Variants in SHPRH observed in about 807,000 individuals in gnomAD.
SHPRH encodes SNF2 histone linker PHD RING helicase.
A neutral mutation model predicts 202.5 loss-of-function variants in SHPRH; 106 were observed. The observed-to-expected ratio is 0.52, with a 90% CI of 0.45 to 0.62. The LOEUF (loss-of-function observed/expected upper bound fraction) is 0.62, where lower values mean the gene tolerates loss of function less well. Ranked by LOEUF, SHPRH falls within the 20% of genes least tolerant of loss-of-function variation. SHPRH has a pLI of 0.00. For synonymous variants in SHPRH, 729 were observed against 686.0 expected, an observed-to-expected ratio of 1.06 and a Z score of -0.98; for missense variants, 1,710 against 2,020.0, an observed-to-expected ratio of 0.85 and a Z score of 2.94.
chr6:145,944,003 C>T (rs1787088934), intron 8 of SHPRH, among the ~76,000 whole-genome samples: 1 of 152,042 alleles, frequency 6.6e-6, no homozygotes, highest in South Asian at 2.1e-4. Flanking sequence ...AAAAGGAAGG[C>T]TCTACAAGTG....
At position 145,868,122 on chromosome 6, in the gene SHPRH, C is replaced by A. The variant is rs544243970; in HGVS notation, c.222-3631G>T. Among the ~76,000 whole-genome samples the A allele has an allele frequency of 1.4e-4, 22 of 152,216 alleles. No individual in the cohort carries two copies. The South Asian group carries it at 2.1e-3, about 14-fold the overall frequency. ...CTCTTTCCTTAGCTTATAGATGGTG[C>A]CTTCTTCCTGTGTTCTGACATAGTT... is the stretch of plus-strand genomic sequence containing the variant. On this transcript the variant is annotated intron_variant, in intron 2 of 2. Transcript: ENST00000417762.
chr6:145,896,200 T>A (rs907224078), intron 25 of SHPRH, among the ~76,000 whole-genome samples: 1 of 152,218 alleles, frequency 6.6e-6, no homozygotes, highest in Admixed American at 6.5e-5. Flanking sequence ...TACACTTATT[T>A]TCTCTGGGTA....
chr6:145,869,908 C>T (rs1779978606), intron 2 of SHPRH, among the ~76,000 whole-genome samples: 2 of 150,134 alleles, frequency 1.3e-5, no homozygotes, highest in South Asian at 2.1e-4. Flanking sequence ...CTAGGGATTA[C>T]GCTGAGCCTA....
At chr6:145,863,113 G>A (rs1248789056), downstream of SHPRH, among the ~76,000 whole-genome samples, 1 of 152,194 alleles carries the variant, frequency 6.6e-6, no homozygotes, top group Non-Finnish European at 1.5e-5. Flanking sequence ...ATACAAAGGT[G>A]AATACAGGAA....
intron 25 of SHPRH, chr6:145,903,387 A>T (rs1303886838): frequency 6.6e-6 from 1 of 151,474 alleles, no homozygotes; most frequent in African/African-American, 2.4e-5. Flanking sequence ...TTCTACACAT[A>T]GTATGGCTAG....
At chr6:145,893,973 T>G (rs922231831) in intron 27 of SHPRH, among the ~76,000 whole-genome samples, 177 bp downstream of exon 27, 1 of 152,094 alleles carries the variant, frequency 6.6e-6, no homozygotes, top group South Asian at 2.1e-4. Flanking sequence ...TCTTGTTATA[T>G]ACTGAAAATA....
intron 25 of SHPRH, chr6:145,910,014 G>C (rs1783349846): frequency 6.5e-6 from 1 of 153,528 alleles, no homozygotes; most frequent in South Asian, 2.0e-4. Context: ...CTTTCTTGTA[G>C]CTGTCTTCAT....
chr6:145,919,450 A>C lies in SHPRH; in HGVS notation c.4050T>G (p.Ser1350=), dbSNP rs753134914. ...TAGCCATTGCAAGTTCATCAACAGC[A>C]GACACACGATTCCTCAGAGCCATCC... The part of the protein sequence containing the change: ...EYWMALRNRV[S]AVDELAMATE... Residue 1350 remains serine, a synonymous_variant, in exon 22 of 30, where the codon TCT becomes TCG. Coordinates refer to ENST00000275233, the MANE Select transcript of SHPRH (RefSeq NM_001042683.3). 1 of 1,613,208 alleles carries C rather than the reference A, an allele frequency of 6.2e-7. No individual in the cohort carries two copies. The highest frequency in any genetic ancestry group is 1.1e-5 in the South Asian group (1 of 91,044).
chr6:145,919,491 A>C lies in SHPRH; in HGVS notation c.4009T>G (p.Leu1337Val). The stretch of plus-strand genomic sequence containing the variant: ...AGAGCCATCCAATATTCATGAAGCA[A>C]CTGAAGGAATAGAAAAGACAAACAC... Reference protein sequence around the residue: ...LFEAWKKEYKLLHEYWMALRN... With the variant: ...LFEAWKKEYKVLHEYWMALRN... Residue 1337 changes from leucine to valine, a missense_variant and splice_region_variant, in exon 22 of 30, where the codon TTG (leucine) becomes GTG (valine). Coordinates refer to ENST00000275233, the MANE Select transcript of SHPRH (RefSeq NM_001042683.3). 6.2e-7 allele frequency: 1 copy of C among 1,612,350 alleles called. No individual in the cohort carries two copies. The highest frequency in any genetic ancestry group is 1.1e-5 in the South Asian group (1 of 90,948).
Position 145,903,274 on chromosome 6 carries a change from A to T in SHPRH, c.4515+7174T>A, listed in dbSNP as rs1428655878. Reference sequence around the variant, plus strand: ...TTTTTTTCACTCAGATGTTTATTTTAATTATATTTTAAAAGTGTGAGACAG... The same window carrying T: ...TTTTTTTCACTCAGATGTTTATTTTTATTATATTTTAAAAGTGTGAGACAG... On this transcript the variant is annotated intron_variant, in intron 25 of 29. Transcript: ENST00000275233. The T allele has an allele frequency of 1.8e-4, 28 of 151,964 alleles. No individual in the cohort carries two copies. The South Asian group carries it at 5.8e-3, about 32-fold the overall frequency. 9.4% of individuals were successfully genotyped at this position (151,964 alleles called of 1,614,324 possible).
In SHPRH at chr6:145,939,146, A is replaced by G. The variant is rs117901758; in HGVS notation, c.2569+1577T>C. 4.2e-3 allele frequency among the ~76,000 whole-genome samples: 636 copies of G among 152,308 alleles called. 18 individuals are homozygous for G. The East Asian group carries it at 0.071, about 17-fold the overall frequency. On this transcript the variant is annotated intron_variant, in intron 11 of 29. Coordinates refer to ENST00000275233, the MANE Select transcript of SHPRH (RefSeq NM_001042683.3). ...CAGAGTAAGTCATGAGCAGGCTAAC[A>G]TTCCTAGTGTGACAACTAGAAAAAA...
chr6:145,933,504 C>G (rs756903603), intron 13 of SHPRH, among the ~76,000 whole-genome samples: 19 of 152,134 alleles, frequency 1.2e-4, no homozygotes, highest in Non-Finnish European at 2.5e-4. Context: ...AGCACTGCAA[C>G]TTAATTAGAA....
At chr6:145,881,291 G>GA (rs1780556835), downstream of SHPRH, among the ~76,000 whole-genome samples, 1 of 152,178 alleles carries the variant, frequency 6.6e-6, no homozygotes, top group Non-Finnish European at 1.5e-5. Context: ...AATTTATAAT[G>GA]AAAAAGAGGT....
In SHPRH at chr6:145,943,073, G is replaced by C. The variant is rs73582139; in HGVS notation, c.2238+70C>G. 2,974 of 1,475,348 alleles carry C rather than the reference G, an allele frequency of 2.0e-3. 42 individuals carry two copies. In the African/African-American group the frequency reaches 0.035, roughly 18 times the overall value. The allele number at this position is 1,475,348 out of a possible 1,614,324, so 91.4% of individuals were successfully genotyped here. A position where few individuals can be genotyped will look rare whatever the true frequency, so the allele number is the denominator to read the frequency against. The stretch of plus-strand genomic sequence containing the variant: ...TGAGGATAAACCACAAAGAAACAAA[G>C]ATTAGGAAACTATCATGAAGAAGCA... On this transcript the variant is annotated intron_variant, in intron 9 of 29. Transcript: ENST00000275233.
intron 9 of SHPRH, 94 bp downstream of exon 9, chr6:145,943,049 G>A (rs1786964694): frequency 1.4e-6 from 2 of 1,394,216 alleles, no homozygotes; most frequent in South Asian, 1.5e-5. Flanking sequence ...AGTTAGTTTT[G>A]AGGATAAACC....
At chr6:145,891,144 G>C (rs1304432671) in intron 28 of SHPRH, among the ~76,000 whole-genome samples, 1 of 152,082 alleles carries the variant, frequency 6.6e-6, no homozygotes, top group African/African-American at 2.4e-5. Context: ...CAGGGCAAAA[G>C]CACCATCCTC....
At chr6:145,888,173 A>C (rs1583299080) in intron 28 of SHPRH, 73 bp from the exon 29 acceptor site, 3 of 1,083,146 alleles carry the variant, frequency 2.8e-6, no homozygotes, top group African/African-American at 1.6e-5. Context: ...TTCACATTTT[A>C]TATGCTATAT....
In SHPRH at chr6:145,943,786, C is replaced by G; in HGVS notation, c.1595G>C (p.Arg532Thr). The G allele has an allele frequency of 6.3e-7, 1 of 1,584,126 alleles. No individual in the cohort carries two copies. The change falls in exon 9 of 30, where the codon AGG (arginine) becomes ACG (threonine). Residue 532 changes from arginine (R) to threonine (T), a missense_variant. Around this residue, in one of 8 missense-constraint regions of SHPRH, gnomAD observed 348 missense variants for 356.9 expected, o/e 0.97. Transcript: ENST00000275233. The part of the protein sequence containing the change: ...KTKKQAVGSP[R>T]KIQKETRKSG... ...TTTTCTAGTTTCTTTCTGAATTTTC[C>G]TTGGACTCCCTACTGCCTATGAAAA...
chr6:145,872,754 C>T (rs1221669040), intron 2 of SHPRH, among the ~76,000 whole-genome samples: 1 of 152,146 alleles, frequency 6.6e-6, no homozygotes, highest in Non-Finnish European at 1.5e-5. Flanking sequence ...TTTATTGCAG[C>T]ACTATTCACA....
Sources: allele counts gnomAD v4.1 joint callset (sites outside exome capture counted in the v4.1 genomes callset), GRCh38; gene constraint gnomAD v4.1.1; regional missense constraint gnomAD v4.1.1; transcripts MANE v1.5; gene names NCBI Gene and HGNC (gene_info 2026-07-23, HGNC 2026-07-21).